The following SIK3 variants were observed in gnomAD, a reference collection of about 807,000 sequenced individuals.
SIK3 encodes the protein SIK family kinase 3.
A neutral mutation model predicts 144.2 loss-of-function variants in SIK3; 28 were observed. The observed-to-expected ratio is 0.19, with a 90% CI of 0.14 to 0.27. SIK3 has a LOEUF of 0.27. Ranked by LOEUF, SIK3 falls within the 10% of genes least tolerant of loss-of-function variation. The pLI, the probability that SIK3 is intolerant of heterozygous loss-of-function variation, is 1.00. For synonymous variants in SIK3, 686 were observed against 676.3 expected, an observed-to-expected ratio of 1.01 and a Z score of -0.22; for missense variants, 1,319 against 1,776.0, an observed-to-expected ratio of 0.74 and a Z score of 4.62.
At chr11:116,932,037 T>A (rs562128155) in intron 3 of SIK3, among the ~76,000 whole-genome samples, 1 of 152,224 alleles carries the variant, frequency 6.6e-6, no homozygotes, top group Non-Finnish European at 1.5e-5. Context: ...AAAACTTTTA[T>A]GGCATCTTTC....
intron 4 of SIK3, among the ~76,000 whole-genome samples, chr11:116,920,333 AT>A (rs1433800044): frequency 6.6e-6 from 1 of 151,852 alleles, no homozygotes; most frequent in Non-Finnish European, 1.5e-5. Context: ...ATCTCCAGCC[AT>A]GCTGGACTTT....
At chr11:116,882,288 T>A (rs1944589735) in intron 6 of SIK3, among the ~76,000 whole-genome samples, 1 of 152,226 alleles carries the variant, frequency 6.6e-6, no homozygotes, top group African/African-American at 2.4e-5. Context: ...GAGGATTAAA[T>A]ACACTGTGGT....
intron 4 of SIK3, among the ~76,000 whole-genome samples, chr11:116,919,966 T>C (rs547648191): frequency 6.6e-6 from 1 of 152,216 alleles, no homozygotes; most frequent in Non-Finnish European, 1.5e-5. Context: ...AGCCTTTAAC[T>C]GGCCTTCCTA....
At chr11:116,960,866 T>C (rs1263532742) in intron 1 of SIK3, among the ~76,000 whole-genome samples, 1 of 152,232 alleles carries the variant, frequency 6.6e-6, no homozygotes, top group Non-Finnish European at 1.5e-5. Context: ...CCTTCAACTT[T>C]AGGCATTCCT....
chr11:117,005,876 A>C lies in SIK3; in HGVS notation c.274-48812T>G, dbSNP rs116028725. The stretch of plus-strand genomic sequence containing the variant: ...AAGGAAGACGAAGGCTGATCTACTG[A>C]AACTGACACCACTGCAGTTATTAGT... On this transcript the variant is annotated intron_variant, in intron 1 of 24. Transcript: ENST00000445177. Among the ~76,000 whole-genome samples, 1,050 of 152,288 alleles carry C rather than the reference A, an allele frequency of 6.9e-3. 19 individuals carry two copies. Among genetic ancestry groups the C allele is most frequent in the African/African-American group, 0.023 (969 of 41,554 alleles).
chr11:116,852,249 A>G (rs1942520370), intron 21 of SIK3, among the ~76,000 whole-genome samples: 1 of 152,204 alleles, frequency 6.6e-6, no homozygotes, highest in East Asian at 1.9e-4. Flanking sequence ...TATCCCTGAG[A>G]ATGGGGCCTC....
chr11:116,976,511 A>T (rs1384857555), intron 1 of SIK3, among the ~76,000 whole-genome samples: 1 of 152,264 alleles, frequency 6.6e-6, no homozygotes, highest in Non-Finnish European at 1.5e-5. Flanking sequence ...TTATCTTTGC[A>T]GACTTAACAA....
chr11:117,046,063 A>G (rs548183931), intron 1 of SIK3, among the ~76,000 whole-genome samples: 2 of 152,362 alleles, frequency 1.3e-5, no homozygotes, highest in Admixed American at 1.3e-4. Context: ...CCTACCATTC[A>G]TTGGTGGTAA....
At chr11:116,873,332 G>T in intron 13 of SIK3, 149 bp downstream of exon 13, 1 of 1,027,426 alleles carries the variant, frequency 9.7e-7, no homozygotes, top group Non-Finnish European at 1.4e-6. Context: ...AAACTCTACT[G>T]GCCTGAAGAA....
At chr11:117,039,049 C>CA (rs1020869710) in intron 1 of SIK3, among the ~76,000 whole-genome samples, 29 of 144,196 alleles carry the variant, frequency 2.0e-4, no homozygotes, top group East Asian at 4.0e-4. Context: ...GACTCCATCT[C>CA]AAAAAAAAAA....
chr11:117,033,078 T>C (rs1952333056), intron 1 of SIK3, among the ~76,000 whole-genome samples: 1 of 152,220 alleles, frequency 6.6e-6, no homozygotes. Flanking sequence ...TCTCTCTCCA[T>C]TTGTAGAATG....
chr11:116,963,188 A>T (rs1170937675), intron 1 of SIK3, among the ~76,000 whole-genome samples: 1 of 152,192 alleles, frequency 6.6e-6, no homozygotes, highest in Non-Finnish European at 1.5e-5. Flanking sequence ...TTCAATTTTT[A>T]AAATGTCTAT....
chr11:116,945,627 C>A (rs1266833166), intron 3 of SIK3, among the ~76,000 whole-genome samples: 1 of 152,080 alleles, frequency 6.6e-6, no homozygotes, highest in African/African-American at 2.4e-5. Flanking sequence ...TACATTATTG[C>A]TAGTGGCCTC....
chr11:117,030,402 C>T (rs1262031933), intron 1 of SIK3, among the ~76,000 whole-genome samples: 2 of 152,064 alleles, frequency 1.3e-5, no homozygotes, highest in East Asian at 1.9e-4. Flanking sequence ...TACATCCATA[C>T]AACAAAGATT....
At chr11:117,022,235 G>A (rs1951810427) in intron 1 of SIK3, among the ~76,000 whole-genome samples, 1 of 151,988 alleles carries the variant, frequency 6.6e-6, no homozygotes, top group East Asian at 1.9e-4. Context: ...CTGGGATATA[G>A]AGATTTTCTC....
intron 1 of SIK3, among the ~76,000 whole-genome samples, chr11:117,033,641 G>A (rs4575311): frequency 0.45 from 67,226 of 150,048 alleles, 18,768 homozygotes; most frequent in Non-Finnish European, 0.64. Flanking sequence ...GCCAGGAGGC[G>A]GAGCTTGCAG....
intron 6 of SIK3, among the ~76,000 whole-genome samples, chr11:116,885,458 A>G (rs1444192154): frequency 6.6e-6 from 1 of 152,206 alleles, no homozygotes; most frequent in Non-Finnish European, 1.5e-5. Flanking sequence ...ATCCTGGCCT[A>G]AAGGGTAGGG....
intron 1 of SIK3, among the ~76,000 whole-genome samples, chr11:117,008,234 TAAAC>T (rs1260151321): frequency 1.3e-5 from 2 of 151,234 alleles, no homozygotes; most frequent in Non-Finnish European, 2.9e-5. Flanking sequence ...CAAAGGAAAA[TAAAC>T]TAACATTTAT....
chr11:116,859,668 G>A, intron 19 of SIK3, 64 bp from the exon 20 acceptor site: 1 of 1,374,678 alleles, frequency 7.3e-7, no homozygotes. Flanking sequence ...GAAGTAATGA[G>A]AGCTAATGAG....
Sources: allele counts gnomAD v4.1 joint callset (sites outside exome capture counted in the v4.1 genomes callset), GRCh38; gene constraint gnomAD v4.1.1; transcripts MANE v1.5; gene names NCBI Gene and HGNC (gene_info 2026-07-23, HGNC 2026-07-21).